ACTL6B: variants seen among roughly 807,000 people sequenced by gnomAD.
ACTL6B encodes the protein actin-like protein 6B.
A neutral mutation model predicts 63.3 loss-of-function variants in ACTL6B; 48 were observed. That is an observed-to-expected ratio of 0.76 (90% CI 0.60 to 0.96). ACTL6B has a LOEUF of 0.96. Among genes scored for constraint, ACTL6B ranks in the 50% least tolerant of loss-of-function variants. The pLI is 0.00. For synonymous variants in ACTL6B, 230 were observed against 223.8 expected, an observed-to-expected ratio of 1.03 and a Z score of -0.25; for missense variants, 350 against 572.2, an observed-to-expected ratio of 0.61 and a Z score of 3.96.
At chr7:100,650,279 C>A in intron 4 of ACTL6B, 144 bp from the exon 5 acceptor site, 1 of 664,978 alleles carries the variant, frequency 1.5e-6, no homozygotes, top group Non-Finnish European at 2.7e-6. Flanking sequence ...ACAACCTAAA[C>A]ACTCACACAT....
intron 4 of ACTL6B, among the ~76,000 whole-genome samples, chr7:100,651,726 A>G (rs1056203655): frequency 6.6e-6 from 1 of 151,936 alleles, no homozygotes; most frequent in African/African-American, 2.4e-5. Flanking sequence ...TGGTACTACA[A>G]GCATGCACCA....
chr7:100,649,313 A>T (rs1453364087), intron 5 of ACTL6B, among the ~76,000 whole-genome samples: 1 of 128,492 alleles, frequency 7.8e-6, no homozygotes, highest in Non-Finnish European at 1.6e-5. Context: ...TTCTTTAGTT[A>T]TTTTTTTTTT....
chr7:100,654,994 A>G, intron 4 of ACTL6B, 25 bp downstream of exon 4: 1 of 1,591,078 alleles, frequency 6.3e-7, no homozygotes, highest in Non-Finnish European at 8.6e-7. Context: ...TCAGGGTTGG[A>G]CATGAGGATG....
chr7:100,643,432 G>C, intron 13 of ACTL6B, 106 bp from the exon 14 acceptor site: 1 of 1,132,386 alleles, frequency 8.8e-7, no homozygotes, highest in Non-Finnish European at 1.3e-6. Flanking sequence ...CACCCCTTGG[G>C]TTCACATCCC....
chr7:100,654,981 A>C, intron 4 of ACTL6B, 38 bp downstream of exon 4: 1 of 1,539,858 alleles, frequency 6.5e-7, no homozygotes, highest in Non-Finnish European at 9.0e-7. Flanking sequence ...GGTGCAGTGG[A>C]GATCAGGGTT....
Position 100,647,751 on chromosome 7 carries a change from G to A in ACTL6B, c.670-218C>T. 1 of 529,854 alleles carries A rather than the reference G, an allele frequency of 1.9e-6. No individual in the cohort carries two copies. The highest frequency in any genetic ancestry group is 3.4e-5 in the Admixed American group (1 of 29,146). 32.8% of individuals were successfully genotyped at this position (529,854 alleles called of 1,614,324 possible). ...TTCATGCGGTGGGTGCAGCTGATCTGGAGAACACCAGGAATACAGCAGTGA... is the reference window on the plus strand; with the variant it reads ...TTCATGCGGTGGGTGCAGCTGATCTAGAGAACACCAGGAATACAGCAGTGA... On this transcript the variant is annotated intron_variant, in intron 7 of 13. Coordinates refer to ENST00000160382, the MANE Select transcript of ACTL6B (RefSeq NM_016188.5). The surrounding 1 kb of genome is among the most constrained non-coding windows in gnomAD (Gnocchi z 4.4).
chr7:100,648,829 A>G lies in ACTL6B; in HGVS notation c.468-6T>C. 1.2e-6 allele frequency: 2 copies of G among 1,612,904 alleles called. No homozygotes were observed. The highest frequency in any genetic ancestry group is 1.7e-6 in the Non-Finnish European group (2 of 1,179,642). ...TGGACCGCCCGTTTGCAAAGCTGGC[A>G]TCGGATGGGTAAGTCAAAGAGACAG... On this transcript the variant is annotated splice_region_variant and splice_polypyrimidine_tract_variant and intron_variant, in intron 5 of 13. Transcript: ENST00000160382. This position sits in a 1 kb window ranked among gnomAD's most constrained non-coding sequence, Gnocchi z 4.4.
In ACTL6B at chr7:100,647,044, T is replaced by C; in HGVS notation, c.863A>G (p.Asn288Ser). 2 of 1,614,014 alleles carry C rather than the reference T, an allele frequency of 1.2e-6. No homozygotes were observed. The highest frequency in any genetic ancestry group is 1.7e-6 in the Non-Finnish European group (2 of 1,179,988). ...GGCGCCGTAGTCTGTATTGTAGCCATTGGGCATCTCGTAGTGCACTGTGGG... is the reference window on the plus strand; with the variant it reads ...GGCGCCGTAGTCTGTATTGTAGCCACTGGGCATCTCGTAGTGCACTGTGGG... ...QMPTVHYEMPNGYNTDYGAER... is the reference protein window; with the variant it reads ...QMPTVHYEMPSGYNTDYGAER... Residue 288 changes from asparagine (N) to serine (S), a missense_variant, in exon 10 of 14, where the codon AAT becomes AGT. Transcript: ENST00000160382. The surrounding 1 kb of genome is among the most constrained non-coding windows in gnomAD (Gnocchi z 4.4).
chr7:100,643,288 A>G lies in ACTL6B; in HGVS notation c.1239T>C (p.Tyr413=), dbSNP rs780913198. 3 of 1,613,920 alleles carry G rather than the reference A, an allele frequency of 1.9e-6. No homozygotes were observed. The highest frequency in any genetic ancestry group is 1.7e-6 in the Non-Finnish European group (2 of 1,179,988). ...FQQMWISKQE[Y]EEGGKQCVER... is the part of the protein sequence containing the mutation. ...CCACGCACTGCTTCCCGCCCTCCTC[A>G]TATTCCTGCTTGGAGATCCACATCT... Residue 413 remains tyrosine, a synonymous_variant, in exon 14 of 14, where the codon TAT becomes TAC. Coordinates refer to ENST00000160382, the MANE Select transcript of ACTL6B (RefSeq NM_016188.5).
rs1803861345 is a variant in ACTL6B at position 100,648,154 on chromosome 7, T to C, written c.669+402A>G. 6.3e-6 allele frequency: 1 copy of C among 159,982 alleles called. No individual in the cohort carries two copies. Among genetic ancestry groups the C allele is most frequent in the South Asian group, 1.8e-4 (1 of 5,444 alleles). 9.9% of individuals were successfully genotyped at this position (159,982 alleles called of 1,614,324 possible). On this transcript the variant is annotated intron_variant, in intron 7 of 13. Coordinates refer to ENST00000160382, the MANE Select transcript of ACTL6B (RefSeq NM_016188.5). This position sits in a 1 kb window ranked among gnomAD's most constrained non-coding sequence, Gnocchi z 4.4. ...CTTGCAGTTTTAGTAGAGACGTGGC[T>C]TCACCATGTTGCCCAGGCTGGTCTC...
chr7:100,646,577 G>T lies in ACTL6B; in HGVS notation c.1087C>A (p.Arg363=), dbSNP rs755138493. 1.9e-6 allele frequency: 3 copies of T among 1,613,946 alleles called. No individual in the cohort carries two copies. Among genetic ancestry groups the T allele is most frequent in the African/African-American group, 1.3e-5 (1 of 74,910 alleles). The change falls in exon 12 of 14, where the codon CGA becomes AGA. Residue 363 remains arginine, a synonymous_variant. Coordinates refer to ENST00000160382, the MANE Select transcript of ACTL6B (RefSeq NM_016188.5). The surrounding 1 kb of genome is among the most constrained non-coding windows in gnomAD (Gnocchi z 6.1). ...GGTGGGGTCTTCTGGGAAAGCTCTC[G>T]ATTGAGCCTGTCAGTGAAGCCCTGC... ...LLQGFTDRLN[R]ELSQKTPPSM...
At chr7:100,652,214 C>T (rs959264665) in intron 4 of ACTL6B, among the ~76,000 whole-genome samples, 9 of 151,436 alleles carry the variant, frequency 5.9e-5, no homozygotes, top group African/African-American at 1.2e-4. Flanking sequence ...CTGGCTAACA[C>T]GGTGAAACCC....
intron 5 of ACTL6B, among the ~76,000 whole-genome samples, chr7:100,649,410 G>T (rs1164913217): frequency 6.6e-6 from 1 of 151,632 alleles, no homozygotes. Context: ...AGATTCTCCT[G>T]CCTCAGCCTC....
In ACTL6B at chr7:100,650,076, A is replaced by G; in HGVS notation, c.429T>C (p.Ile143=). Residue 143 remains isoleucine (I), a synonymous_variant, in exon 5 of 14, where the codon ATT becomes ATC. Coordinates refer to ENST00000160382, the MANE Select transcript of ACTL6B (RefSeq NM_016188.5). The part of the protein sequence containing the change: ...LTELMFEQYN[I]PAFFLCKTAV... ...CCGTCTTGCATAAGAAGAAGGCAGG[A>G]ATGTTGTACTGCTCGAACATCAGCT... is the stretch of plus-strand genomic sequence containing the variant. The G allele has an allele frequency of 6.2e-7, 1 of 1,613,998 alleles. No homozygotes were observed. Among genetic ancestry groups the G allele is most frequent in the Non-Finnish European group, 8.5e-7 (1 of 1,180,010 alleles).
chr7:100,643,477 C>T (rs1037454301), intron 13 of ACTL6B, 151 bp from the exon 14 acceptor site: 83 of 667,670 alleles, frequency 1.2e-4, no homozygotes, highest in Non-Finnish European at 2.0e-4. Context: ...CTCCCCTCCT[C>T]GGTCTGTCCC....
rs192097937 is a variant in ACTL6B at position 100,649,053 on chromosome 7, C to G, written c.468-230G>C. Among the ~76,000 whole-genome samples, 403 of 149,104 alleles carry G rather than the reference C, an allele frequency of 2.7e-3. 5 individuals carry two copies. The highest frequency in any genetic ancestry group is 9.4e-3 in the African/African-American group (378 of 40,320). On this transcript the variant is annotated intron_variant, in intron 5 of 13. Transcript: ENST00000160382. ...TGTCTCCCAGGCTGGAGTGCAGTGG[C>G]GCAATCTCAGCTCACTGCAAGCTCC...
At chr7:100,643,859 TTCTC>T (rs1284329527) in intron 13 of ACTL6B, among the ~76,000 whole-genome samples, 1 of 152,212 alleles carries the variant, frequency 6.6e-6, no homozygotes, top group African/African-American at 2.4e-5. Context: ...AGAGTGTCCC[TTCTC>T]TCTATTTTTT....
At chr7:100,644,150 T>A (rs568477180) in intron 13 of ACTL6B, among the ~76,000 whole-genome samples, 1 of 152,334 alleles carries the variant, frequency 6.6e-6, no homozygotes, top group Non-Finnish European at 1.5e-5. Context: ...TCCGCCCGCC[T>A]CGGCCTCCCA....
Position 100,646,835 on chromosome 7 carries a change from CAG to C in ACTL6B, c.937-6_937-5del, listed in dbSNP as rs1267094407. 3 of 1,611,120 alleles carry C rather than the reference CAG, an allele frequency of 1.9e-6. No individual in the cohort carries two copies. The highest frequency in any genetic ancestry group is 1.1e-5 in the South Asian group (1 of 90,842). On this transcript the variant is annotated splice_polypyrimidine_tract_variant and splice_region_variant and intron_variant, in intron 10 of 13. Transcript: ENST00000160382. The surrounding 1 kb of genome is among the most constrained non-coding windows in gnomAD (Gnocchi z 6.1). ...ACATGGTGTTCCCCGACAGGCCCTGCAGAGAGAGGTGACTGGGGCTGTGGGCT... is the reference window on the plus strand; with the variant it reads ...ACATGGTGTTCCCCGACAGGCCCTGCAGAGAGGTGACTGGGGCTGTGGGCT...
Sources: gnomAD v4.1 joint callset for allele counts (sites outside exome capture counted in the v4.1 genomes callset) on GRCh38, gnomAD v4.1.1 for gene constraint, Gnocchi (gnomAD v3.1) non-coding constraint, MANE v1.5 for transcripts, NCBI Gene and HGNC (gene_info 2026-07-23, HGNC 2026-07-21) for gene names.